Variants in ZNF626 observed in about 807,000 individuals in gnomAD.
The protein encoded by ZNF626 is CTC-513N18.7.
In ZNF626, 4 loss-of-function variants were observed where a neutral mutation model predicts 11.7. The ratio of observed to expected loss-of-function variants is 0.34; its 90% confidence interval spans 0.17 to 0.78. The LOEUF (loss-of-function observed/expected upper bound fraction) is 0.78. ZNF626 is among the 30% of genes least tolerant of loss of function. ZNF626 has a pLI of 0.57. For synonymous variants in ZNF626, 179 were observed against 198.6 expected, an observed-to-expected ratio of 0.90 and a Z score of 0.83; for missense variants, 588 against 587.1, an observed-to-expected ratio of 1.00 and a Z score of -0.01.
chr19:20,657,931 A>G (rs757419064), intron 1 of ZNF626, among the ~76,000 whole-genome samples: 25 of 151,712 alleles, frequency 1.6e-4, no homozygotes, highest in Non-Finnish European at 3.2e-4. Flanking sequence ...CAGAACAGAC[A>G]CTGAGGCCTA....
rs983351816 is a variant in ZNF626, at chr19:20,633,504, C to T, written c.227-7854G>A. Among the ~76,000 whole-genome samples, 4 of 152,194 alleles carry T rather than the reference C, an allele frequency of 2.6e-5. No homozygotes were observed. In the South Asian group the frequency reaches 6.2e-4, roughly 24 times the overall value. Reference sequence around the variant, plus strand: ...ACTCGGCAATGGTGGGCGCCCCTCGCCCAGCCTCGCTGCTGCCTTGCAGTT... The same window carrying T: ...ACTCGGCAATGGTGGGCGCCCCTCGTCCAGCCTCGCTGCTGCCTTGCAGTT... On this transcript the variant is annotated intron_variant, in intron 3 of 3. Transcript: ENST00000601440.
intron 3 of ZNF626, among the ~76,000 whole-genome samples, chr19:20,635,376 G>GAGTTAA (rs1555770816): frequency 6.6e-6 from 1 of 152,158 alleles, no homozygotes; most frequent in Non-Finnish European, 1.5e-5. Context: ...AGGCAAAACT[G>GAGTTAA]CAGTGGCATT....
chr19:20,649,662 G>C (rs919746043), intron 1 of ZNF626, among the ~76,000 whole-genome samples: 1 of 152,162 alleles, frequency 6.6e-6, no homozygotes, highest in Non-Finnish European at 1.5e-5. Context: ...AGAAGCCTGG[G>C]TTGATAACCA....
At chr19:20,654,444 T>C (rs1344091241) in intron 1 of ZNF626, among the ~76,000 whole-genome samples, 2 of 136,652 alleles carry the variant, frequency 1.5e-5, no homozygotes, top group Non-Finnish European at 3.1e-5. Flanking sequence ...GCGCGGTGGC[T>C]TACACTGTAA....
intron 3 of ZNF626, among the ~76,000 whole-genome samples, chr19:20,643,177 A>G (rs1381094769): frequency 2.6e-5 from 4 of 152,204 alleles, no homozygotes; most frequent in African/African-American, 9.6e-5. Context: ...TTAATAAATT[A>G]GCATTTAAAA....
chr19:20,650,608 A>G (rs1700353106), intron 1 of ZNF626, among the ~76,000 whole-genome samples: 1 of 152,214 alleles, frequency 6.6e-6, no homozygotes, highest in South Asian at 2.1e-4. Context: ...GGGTAGGGTC[A>G]GACGTAAATA....
In ZNF626 at chr19:20,625,190, G is replaced by A. The variant is rs372875967; in HGVS notation, c.687C>T (p.Tyr229=). The A allele has an allele frequency of 3.7e-6, 6 of 1,613,160 alleles. No individual in the cohort carries two copies. The highest frequency in any genetic ancestry group is 5.1e-6 in the Non-Finnish European group (6 of 1,179,956). The part of the protein sequence containing the change: ...HKKIHTGEKP[Y]KCEECGKAFK... Reference sequence around the variant, plus strand: ...AGGCTTTGCCACATTCTTCACATTTGTAGGGTTTCTCTCCAGTATGAATTT... The same window carrying A: ...AGGCTTTGCCACATTCTTCACATTTATAGGGTTTCTCTCCAGTATGAATTT... The change falls in exon 4 of 4, where the codon TAC becomes TAT. Residue 229 remains tyrosine (Y), a synonymous_variant. Transcript: ENST00000601440.
chr19:20,645,820 T>G (rs1555771860), intron 2 of ZNF626, 41 bp from the exon 3 acceptor site: 2 of 1,514,896 alleles, frequency 1.3e-6, no homozygotes, highest in Non-Finnish European at 1.8e-6. Flanking sequence ...TTGCTTATGT[T>G]CTCCAATTAC....
intron 3 of ZNF626, among the ~76,000 whole-genome samples, chr19:20,633,053 C>T (rs1259036594): frequency 1.3e-5 from 2 of 152,184 alleles, no homozygotes; most frequent in Non-Finnish European, 2.9e-5. Flanking sequence ...AGGTCCACTC[C>T]AGACACTGTT....
At chr19:20,652,257 C>G (rs561657357) in intron 1 of ZNF626, among the ~76,000 whole-genome samples, 1 of 149,914 alleles carries the variant, frequency 6.7e-6, no homozygotes, top group African/African-American at 2.5e-5. Context: ...AGATCCCCCC[C>G]ATAGAGGCTG....
At chr19:20,660,174 C>T (rs1340800159) in intron 1 of ZNF626, among the ~76,000 whole-genome samples, 1 of 147,220 alleles carries the variant, frequency 6.8e-6, no homozygotes, top group Non-Finnish European at 1.5e-5. Flanking sequence ...GTAGGAGAAT[C>T]GCTTGAACCC....
chr19:20,638,886 A>C (rs1270151796), intron 3 of ZNF626, among the ~76,000 whole-genome samples: 1 of 152,196 alleles, frequency 6.6e-6, no homozygotes, highest in Non-Finnish European at 1.5e-5. Context: ...AAAAAATAAG[A>C]AACAGGAAAC....
At chr19:20,660,502 CT>C (rs1970254250) in intron 1 of ZNF626, among the ~76,000 whole-genome samples, 2 of 152,154 alleles carry the variant, frequency 1.3e-5, no homozygotes, top group Admixed American at 1.3e-4. Flanking sequence ...TCTCAGCTCA[CT>C]GCAACTTCCG....
intron 1 of ZNF626, among the ~76,000 whole-genome samples, chr19:20,646,719 T>C (rs949700345): frequency 6.6e-6 from 1 of 152,314 alleles, no homozygotes; most frequent in Non-Finnish European, 1.5e-5. Flanking sequence ...GTTGTGAATA[T>C]TTTTCAGATG....
intron 3 of ZNF626, among the ~76,000 whole-genome samples, chr19:20,636,132 C>G (rs1433087331): frequency 6.6e-6 from 1 of 151,994 alleles, no homozygotes; most frequent in Non-Finnish European, 1.5e-5. Context: ...AATTCCCTCT[C>G]AAAAAAACCA....
rs1208487582 is a variant in ZNF626 at position 20,630,721 on chromosome 19, G to A, written c.227-5071C>T. On this transcript the variant is annotated intron_variant, in intron 3 of 3. Coordinates refer to ENST00000601440, the MANE Select transcript of ZNF626 (RefSeq NM_001076675.3). ...GTCTATCAATTTTGTTGATCTTTTC[G>A]AAAAACCAGCTTCTGGATTCATTGA... 6.0e-4 allele frequency among the ~76,000 whole-genome samples: 87 copies of A among 144,944 alleles called. 1 individual carries two copies. The highest frequency in any genetic ancestry group is 9.0e-4 in the African/African-American group (34 of 37,900).
At chr19:20,661,300 G>C in intron 1 of ZNF626, 144 bp downstream of exon 1, 1 of 1,144,022 alleles carries the variant, frequency 8.7e-7, no homozygotes, top group Non-Finnish European at 1.3e-6. Context: ...TGGCTGAACA[G>C]GACTGAGGCC....
At chr19:20,656,533 C>T (rs1445382682) in intron 1 of ZNF626, among the ~76,000 whole-genome samples, 2 of 152,024 alleles carry the variant, frequency 1.3e-5, no homozygotes, top group Non-Finnish European at 2.9e-5. Context: ...TATTTGCAAA[C>T]GTTGTCTATG....
In ZNF626 at chr19:20,646,261, T is replaced by C. The variant is rs1437684252; in HGVS notation, c.130+18A>G. On this transcript the variant is annotated intron_variant, in intron 2 of 3. Transcript: ENST00000601440. The stretch of plus-strand genomic sequence containing the variant: ...AATAAAATCTATAGGGTATATTATG[T>C]ACTCAAGTTATCCTCACCAAGGAAG... 5.6e-6 allele frequency: 9 copies of C among 1,610,384 alleles called. No homozygotes were observed. The highest frequency in any genetic ancestry group is 7.6e-6 in the Non-Finnish European group (9 of 1,178,452).
Sources: allele counts gnomAD v4.1 joint callset (sites outside exome capture counted in the v4.1 genomes callset), GRCh38; gene constraint gnomAD v4.1.1; transcripts MANE v1.5; gene names NCBI Gene and HGNC (gene_info 2026-07-23, HGNC 2026-07-21).